Variants in SLC5A1 observed in about 807,000 individuals in gnomAD.
The protein encoded by SLC5A1 is solute carrier family 5 member 1, also known as sodium/glucose cotransporter 1.
A neutral mutation model predicts 73.5 loss-of-function variants in SLC5A1; 42 were observed. The observed-to-expected ratio is 0.57, with a 90% confidence interval of 0.45 to 0.74. The LOEUF is 0.74. Among genes scored for constraint, SLC5A1 ranks in the 30% least tolerant of loss-of-function variants. The probability of loss-of-function intolerance (pLI) is 0.00; values close to 1 mark genes in which losing one functional copy is unlikely to be tolerated. For synonymous variants in SLC5A1, 300 were observed against 317.4 expected, an observed-to-expected ratio of 0.95 and a Z score of 0.58; for missense variants, 634 against 855.4, an observed-to-expected ratio of 0.74 and a Z score of 3.23.
chr22:32,049,437 G>C (rs1316087586), intron 1 of SLC5A1, among the ~76,000 whole-genome samples: 1 of 144,446 alleles, frequency 6.9e-6, no homozygotes, highest in South Asian at 2.2e-4. Context: ...TTTGAGATGG[G>C]TGTTGCTATG....
chr22:32,106,819 A>C (rs2094046974), intron 14 of SLC5A1, among the ~76,000 whole-genome samples: 1 of 152,142 alleles, frequency 6.6e-6, no homozygotes, highest in Admixed American at 6.5e-5. Context: ...ATGGGGGCTC[A>C]AGGTCATATG....
At chr22:32,085,543 CTCCT>C (rs1277037075) in intron 9 of SLC5A1, among the ~76,000 whole-genome samples, 1 of 147,142 alleles carries the variant, frequency 6.8e-6, no homozygotes, top group Non-Finnish European at 1.5e-5. Context: ...CAATTGTTTC[CTCCT>C]TTTTTTTTTT....
chr22:32,107,384 G>A (rs1337536704), intron 14 of SLC5A1, among the ~76,000 whole-genome samples: 1 of 152,208 alleles, frequency 6.6e-6, no homozygotes. Flanking sequence ...CTCAGAGTAA[G>A]GAGGCAAGAT....
At chr22:32,065,732 G>A (rs185829227) in intron 2 of SLC5A1, among the ~76,000 whole-genome samples, 1 of 152,266 alleles carries the variant, frequency 6.6e-6, no homozygotes, top group African/African-American at 2.4e-5. Context: ...GTCATTCTGA[G>A]AACTTCTTCT....
chr22:32,089,914 A>G (rs2094014240), intron 10 of SLC5A1, among the ~76,000 whole-genome samples: 1 of 152,156 alleles, frequency 6.6e-6, no homozygotes, highest in Non-Finnish European at 1.5e-5. Flanking sequence ...AATAGAGATT[A>G]TAGCCAACCA....
At chr22:32,057,144 G>C (rs1172463645) in intron 2 of SLC5A1, among the ~76,000 whole-genome samples, 1 of 152,136 alleles carries the variant, frequency 6.6e-6, no homozygotes, top group Non-Finnish European at 1.5e-5. Context: ...TTGAAGGAGG[G>C]GAGGAAAAGG....
intron 2 of SLC5A1, among the ~76,000 whole-genome samples, chr22:32,063,730 C>A (rs1388021411): frequency 2.0e-5 from 3 of 151,984 alleles, no homozygotes; most frequent in Non-Finnish European, 2.9e-5. Flanking sequence ...GCTACTTGGT[C>A]CTGTTGAGAG....
intron 14 of SLC5A1, 92 bp downstream of exon 14, chr22:32,104,983 A>C: frequency 1.1e-6 from 1 of 937,244 alleles, no homozygotes; most frequent in Non-Finnish European, 1.7e-6. Context: ...TAATTTTATC[A>C]GAGCTCAGAT....
At chr22:32,082,813 C>G (rs973385141) in intron 6 of SLC5A1, among the ~76,000 whole-genome samples, 3 of 152,170 alleles carry the variant, frequency 2.0e-5, no homozygotes, top group Non-Finnish European at 2.9e-5. Flanking sequence ...CATCTTCTGG[C>G]TCAAAAGGGT....
chr22:32,052,365 T>C (rs1431649249), intron 2 of SLC5A1, among the ~76,000 whole-genome samples: 2 of 152,242 alleles, frequency 1.3e-5, no homozygotes, highest in African/African-American at 4.8e-5. Context: ...TTTATCGTTA[T>C]GTTTCTAAAA....
At chr22:32,109,365 G>T (rs1399646847) in intron 14 of SLC5A1, among the ~76,000 whole-genome samples, 2 of 152,150 alleles carry the variant, frequency 1.3e-5, no homozygotes, top group Admixed American at 1.3e-4. Context: ...TTCCCTTGGT[G>T]GGTATTCAAT....
chr22:32,111,609 A>C lies in SLC5A1; in HGVS notation c.*1396A>C, dbSNP rs2094057214. 1 of 152,210 alleles carries C rather than the reference A, an allele frequency of 6.6e-6. No homozygotes were observed. Among genetic ancestry groups the C allele is most frequent in the South Asian group, 2.1e-4 (1 of 4,822 alleles). The allele number at this position is 152,210 out of a possible 1,614,324, so 9.4% of individuals were successfully genotyped here. On this transcript the variant is annotated 3_prime_UTR_variant, in exon 15 of 15. Transcript: ENST00000266088. ...TGCAGCAAAAGGAAAAAGAATTACAAACTGAACGTATGTAGGTGAGGCAAG... is the reference window on the plus strand; with the variant it reads ...TGCAGCAAAAGGAAAAAGAATTACACACTGAACGTATGTAGGTGAGGCAAG...
chr22:32,081,766 T>C, intron 5 of SLC5A1, 100 bp from the exon 6 acceptor site: 1 of 797,716 alleles, frequency 1.3e-6, no homozygotes, highest in Non-Finnish European at 2.3e-6. Flanking sequence ...TATTATCATC[T>C]TGAATAAAGC....
intron 2 of SLC5A1, among the ~76,000 whole-genome samples, chr22:32,064,642 A>T (rs2093969498): frequency 6.6e-6 from 1 of 152,086 alleles, no homozygotes; most frequent in African/African-American, 2.4e-5. Flanking sequence ...TCTAGGAGTT[A>T]CCTTTGATTA....
At chr22:32,073,601 G>C (rs1198347936) in intron 5 of SLC5A1, among the ~76,000 whole-genome samples, 1 of 152,064 alleles carries the variant, frequency 6.6e-6, no homozygotes, top group Non-Finnish European at 1.5e-5. Context: ...TCGTTGCCCA[G>C]GCTGGAGTAC....
chr22:32,049,800 G>C, intron 1 of SLC5A1, 143 bp from the exon 2 acceptor site: 2 of 782,188 alleles, frequency 2.6e-6, no homozygotes, highest in Non-Finnish European at 4.6e-6. Context: ...AGTCTTTTGA[G>C]GCTGCAGGGG....
intron 2 of SLC5A1, among the ~76,000 whole-genome samples, chr22:32,051,100 T>G (rs1323809341): frequency 6.6e-6 from 1 of 152,158 alleles, no homozygotes; most frequent in Non-Finnish European, 1.5e-5. Flanking sequence ...CACAGCCCAG[T>G]GAGAGACTCT....
Position 32,044,993 on chromosome 22 carries a change from G to A in SLC5A1, c.135+1577G>A, listed in dbSNP as rs774926282. Among the ~76,000 whole-genome samples the A allele has an allele frequency of 8.5e-5, 13 of 152,284 alleles. No individual in the cohort carries two copies. In the East Asian group the frequency reaches 1.2e-3, roughly 14 times the overall value. Reference sequence around the variant, plus strand: ...AGGGAAGGCCAGAATGCTAATCCCCGTTTTACAGAAGAGGAAATTGAAGCC... The same window carrying A: ...AGGGAAGGCCAGAATGCTAATCCCCATTTTACAGAAGAGGAAATTGAAGCC... On this transcript the variant is annotated intron_variant, in intron 1 of 14. Transcript: ENST00000266088.
chr22:32,055,930 A>G (rs2093951039), intron 2 of SLC5A1, among the ~76,000 whole-genome samples: 1 of 152,248 alleles, frequency 6.6e-6, no homozygotes, highest in South Asian at 2.1e-4. Context: ...CAAGACCTGC[A>G]CTCTTGTTAG....
Sources: gnomAD v4.1 joint callset for allele counts (sites outside exome capture counted in the v4.1 genomes callset) on GRCh38, gnomAD v4.1.1 for gene constraint, MANE v1.5 for transcripts, NCBI Gene and HGNC (gene_info 2026-07-23, HGNC 2026-07-21) for gene names.